INPP4B: variants seen among roughly 807,000 people sequenced by gnomAD.
INPP4B encodes the protein inositol polyphosphate 4-phosphatase type II.
In INPP4B, 55 loss-of-function variants were observed where a neutral mutation model predicts 122.5. The observed-to-expected ratio is 0.45, with a 90% CI of 0.36 to 0.56. The LOEUF (loss-of-function observed/expected upper bound fraction) is 0.56. Ranked by LOEUF, INPP4B falls within the 20% of genes least tolerant of loss-of-function variation. The probability of loss-of-function intolerance (pLI) is 0.00; values close to 1 mark genes in which losing one functional copy is unlikely to be tolerated. For synonymous variants in INPP4B, 403 were observed against 388.7 expected (o/e 1.04, Z -0.43); for missense variants, 1,000 against 1,097.7 (o/e 0.91, Z 1.26).
chr4:142,844,185 C>G (rs1182129724), intron 1 of INPP4B, among the ~76,000 whole-genome samples: 1 of 152,118 alleles, frequency 6.6e-6, no homozygotes, highest in Non-Finnish European at 1.5e-5. Context: ...AATAGAGGGA[C>G]AAGACTAAAT....
At chr4:142,173,832 A>T (rs747198818) in intron 15 of INPP4B, 23 bp from the exon 16 acceptor site, 1 of 1,589,026 alleles carries the variant, frequency 6.3e-7, no homozygotes, top group East Asian at 2.2e-5. Context: ...AGATAAAAAT[A>T]AGTTACACAA....
At chr4:142,694,246 G>A (rs776861068) in intron 2 of INPP4B, among the ~76,000 whole-genome samples, 12 of 151,644 alleles carry the variant, frequency 7.9e-5, no homozygotes, top group African/African-American at 1.7e-4. Flanking sequence ...GGTGGTACAC[G>A]TCTGTAATCC....
At chr4:142,495,365 C>T (rs1272420112) in intron 2 of INPP4B, among the ~76,000 whole-genome samples, 2 of 152,002 alleles carry the variant, frequency 1.3e-5, no homozygotes, top group Non-Finnish European at 2.9e-5. Flanking sequence ...CACACACGCA[C>T]ACATATACAT....
intron 1 of INPP4B, among the ~76,000 whole-genome samples, chr4:142,800,058 C>A (rs1455776615): frequency 6.6e-6 from 1 of 151,874 alleles, no homozygotes; most frequent in Non-Finnish European, 1.5e-5. Context: ...ATTCTGAATG[C>A]AATAATTGGA....
chr4:142,827,331 AATTTT>A (rs1781571657), intron 1 of INPP4B, among the ~76,000 whole-genome samples: 2 of 152,192 alleles, frequency 1.3e-5, no homozygotes, highest in African/African-American at 2.4e-5. Flanking sequence ...TGCAGAACTT[AATTTT>A]ATTTTATCTG....
intron 2 of INPP4B, among the ~76,000 whole-genome samples, chr4:142,537,402 A>G (rs1467241935): frequency 5.7e-5 from 2 of 35,048 alleles, no homozygotes; most frequent in African/African-American, 9.3e-5. Context: ...TACATACAGT[A>G]TATATATATA....
chr4:142,118,200 T>A (rs1794703870), intron 21 of INPP4B, among the ~76,000 whole-genome samples: 1 of 152,060 alleles, frequency 6.6e-6, no homozygotes. Flanking sequence ...ACCAATATCG[T>A]GAAAATGGCC....
chr4:142,641,307 A>G (rs1375252390), intron 2 of INPP4B, among the ~76,000 whole-genome samples: 1 of 152,092 alleles, frequency 6.6e-6, no homozygotes, highest in Non-Finnish European at 1.5e-5. Context: ...TCTAGGGTAC[A>G]TGTGCACAAT....
At chr4:142,816,633 T>C (rs1404602202) in intron 1 of INPP4B, among the ~76,000 whole-genome samples, 1 of 152,028 alleles carries the variant, frequency 6.6e-6, no homozygotes, top group Non-Finnish European at 1.5e-5. Context: ...TATAAAAATA[T>C]ACCTATACCT....
chr4:142,223,643 T>C (rs1850310749), intron 12 of INPP4B, among the ~76,000 whole-genome samples: 1 of 152,186 alleles, frequency 6.6e-6, no homozygotes, highest in Admixed American at 6.5e-5. Flanking sequence ...CAGGAATCCA[T>C]AACAATGAAC....
At chr4:142,493,379 C>A (rs1350607947) in intron 2 of INPP4B, among the ~76,000 whole-genome samples, 44 of 152,110 alleles carry the variant, frequency 2.9e-4, no homozygotes, top group Admixed American at 2.9e-3. Context: ...AATGGTAGAT[C>A]CATCACCACC....
chr4:142,170,409 C>A (rs1336418741), intron 16 of INPP4B, among the ~76,000 whole-genome samples: 2 of 151,584 alleles, frequency 1.3e-5, no homozygotes, highest in African/African-American at 4.8e-5. Flanking sequence ...CTTCCCTGCC[C>A]CCACATTTGT....
intron 2 of INPP4B, among the ~76,000 whole-genome samples, chr4:142,648,161 C>A (rs1373147196): frequency 6.6e-6 from 1 of 152,254 alleles, no homozygotes; most frequent in African/African-American, 2.4e-5. Context: ...GGCTATGAAA[C>A]TGCATTGGCA....
intron 2 of INPP4B, among the ~76,000 whole-genome samples, chr4:142,529,058 C>T (rs963384917): frequency 3.3e-5 from 5 of 151,942 alleles, no homozygotes; most frequent in Admixed American, 1.3e-4. Context: ...TGTGGGTTTT[C>T]GATGTCGCAA....
intron 2 of INPP4B, among the ~76,000 whole-genome samples, chr4:142,492,194 C>T (rs1821965985): frequency 6.6e-6 from 1 of 152,100 alleles, no homozygotes; most frequent in Non-Finnish European, 1.5e-5. Context: ...TTCCTGAGGC[C>T]TCTCCAGACA....
At chr4:142,801,003 T>C (rs533288659) in intron 1 of INPP4B, among the ~76,000 whole-genome samples, 1 of 150,546 alleles carries the variant, frequency 6.6e-6, no homozygotes, top group African/African-American at 2.4e-5. Flanking sequence ...TGATGAAGAG[T>C]GTGCTGGAGG....
At position 142,484,519 on chromosome 4, in the gene INPP4B, AT is replaced by A. The variant is rs576163538; in HGVS notation, c.-190-21794del. ...CTTGATACATCATCAATTTATCAAA[AT>A]ATTCCAAAATATTTTTAAAAAGCAA... On this transcript the variant is annotated intron_variant, in intron 2 of 25. Coordinates refer to ENST00000262992, the MANE Select transcript of INPP4B (RefSeq NM_001101669.3). 3.1e-3 allele frequency among the ~76,000 whole-genome samples: 476 copies of A among 152,252 alleles called. 4 individuals carry two copies. The highest frequency in any genetic ancestry group is 0.011 in the African/African-American group (453 of 41,578).
intron 12 of INPP4B, among the ~76,000 whole-genome samples, chr4:142,222,259 C>T (rs575083493): frequency 6.6e-6 from 1 of 152,328 alleles, no homozygotes; most frequent in African/African-American, 2.4e-5. Flanking sequence ...CATGCCCAGC[C>T]CTTACCCACT....
intron 7 of INPP4B, 148 bp from the exon 8 acceptor site, chr4:142,314,910 C>T (rs534794670): frequency 1.3e-4 from 88 of 652,726 alleles, no homozygotes; most frequent in Middle Eastern, 2.5e-4. Context: ...GCAACACCTG[C>T]GGCAGTGCAA....
Sources: gnomAD v4.1 joint callset for allele counts (sites outside exome capture counted in the v4.1 genomes callset) on GRCh38, gnomAD v4.1.1 for gene constraint, MANE v1.5 for transcripts, NCBI Gene and HGNC (gene_info 2026-07-23, HGNC 2026-07-21) for gene names.